The following CBL variants were observed in gnomAD, a reference collection of about 807,000 sequenced individuals.
CBL encodes Cbl proto-oncogene.
Under a neutral mutation model 96.9 loss-of-function variants are expected in CBL, and 45 were observed. The observed-to-expected ratio is 0.46, with a 90% confidence interval of 0.37 to 0.60. The LOEUF is 0.60. Among genes scored for constraint, CBL ranks in the 20% least tolerant of loss-of-function variants. CBL has a pLI of 0.00. For missense variants in CBL, 1,024 were observed against 1,143.5 expected (o/e 0.90, Z 1.51); for synonymous variants, 420 against 426.8 (o/e 0.98, Z 0.20).
At chr11:119,222,898 C>T (rs1221481852) in intron 1 of CBL, among the ~76,000 whole-genome samples, 1 of 152,020 alleles carries the variant, frequency 6.6e-6, no homozygotes, top group Non-Finnish European at 1.5e-5. Flanking sequence ...CATGGCCAGG[C>T]GTGGTGGCTC....
At chr11:119,236,563 CAT>C (rs1949547664) in intron 2 of CBL, among the ~76,000 whole-genome samples, 1 of 146,206 alleles carries the variant, frequency 6.8e-6, no homozygotes, top group Non-Finnish European at 1.5e-5. Flanking sequence ...GCCATATAAA[CAT>C]ATATACATAT....
At position 119,304,904 on chromosome 11, in the gene CBL, C is replaced by T. The variant is rs149560809; in HGVS notation, c.*5123C>T. The T allele has an allele frequency of 6.1e-3, 1,179 of 192,104 alleles. 13 individuals carry two copies. The highest frequency in any genetic ancestry group is 0.022 in the African/African-American group (928 of 42,990). The allele number at this position is 192,104 out of a possible 1,614,324, so 11.9% of individuals were successfully genotyped here. ...CCTCCCAAAGTGCTAAGATTACAGG[C>T]GTGAGCCACCGCGCCCGGCCCATAC... On this transcript the variant is annotated 3_prime_UTR_variant, in exon 16 of 16. Coordinates refer to ENST00000264033, the MANE Select transcript of CBL (RefSeq NM_005188.4).
intron 2 of CBL, among the ~76,000 whole-genome samples, chr11:119,266,730 T>C (rs1471466275): frequency 6.6e-6 from 1 of 152,128 alleles, no homozygotes. Flanking sequence ...GAATTTGTAG[T>C]TCCGTAGATT....
rs750257998 is a variant in CBL at position 119,271,788 on chromosome 11, A to G, written c.497A>G (p.Lys166Arg). Residue 166 changes from lysine to arginine, a missense_variant, in exon 3 of 16, where the codon AAA becomes AGA. Coordinates refer to ENST00000264033, the MANE Select transcript of CBL (RefSeq NM_005188.4). ...TTCAGCCACATGCTGGCAGAACTAA[A>G]AGGAATCTTTCCAAGTGGACTCTTT... is the stretch of plus-strand genomic sequence containing the variant. The part of the protein sequence containing the change: ...LIFSHMLAEL[K>R]GIFPSGLFQG... The G allele has an allele frequency of 1.9e-6, 3 of 1,613,944 alleles. No individual in the cohort carries two copies. In the African/African-American group the frequency reaches 4.0e-5, roughly 22 times the overall value.
At chr11:119,254,367 T>C (rs1375609179) in intron 2 of CBL, among the ~76,000 whole-genome samples, 1 of 152,196 alleles carries the variant, frequency 6.6e-6, no homozygotes, top group African/African-American at 2.4e-5. Flanking sequence ...GAGAAATGTA[T>C]TGCTGCCTGA....
intron 2 of CBL, among the ~76,000 whole-genome samples, chr11:119,260,654 C>T (rs978758311): frequency 2.0e-5 from 3 of 152,072 alleles, no homozygotes; most frequent in African/African-American, 7.2e-5. Flanking sequence ...TTTATCTCCT[C>T]TCTTACTCAG....
intron 2 of CBL, among the ~76,000 whole-genome samples, chr11:119,249,952 C>G (rs925500242): frequency 6.6e-6 from 1 of 152,156 alleles, no homozygotes; most frequent in Non-Finnish European, 1.5e-5. Context: ...GCCACTGTGC[C>G]TGGCTTTTGT....
intron 1 of CBL, among the ~76,000 whole-genome samples, chr11:119,230,266 CT>C (rs1231723928): frequency 6.6e-6 from 1 of 151,978 alleles, no homozygotes; most frequent in African/African-American, 2.4e-5. Context: ...ATTCTCCTGC[CT>C]CAGCCTCTCC....
chr11:119,245,173 G>GTT (rs55688715), intron 2 of CBL, among the ~76,000 whole-genome samples: 34,638 of 143,302 alleles, frequency 0.24, 4,258 homozygotes, highest in East Asian at 0.39. Context: ...TGCCCGACCA[G>GTT]TTTTTTTTTT....
chr11:119,277,270 C>CAT (rs1555229988), intron 6 of CBL, among the ~76,000 whole-genome samples: 2 of 151,578 alleles, frequency 1.3e-5, no homozygotes, highest in East Asian at 1.9e-4. Flanking sequence ...CACACACACA[C>CAT]ATAAAGAATT....
intron 1 of CBL, among the ~76,000 whole-genome samples, chr11:119,227,829 C>T (rs1481232069): frequency 2.0e-5 from 3 of 152,156 alleles, no homozygotes; most frequent in Non-Finnish European, 4.4e-5. Flanking sequence ...GGATTACAGG[C>T]GTGAGCCACC....
intron 2 of CBL, among the ~76,000 whole-genome samples, chr11:119,250,110 C>T (rs888258821): frequency 1.3e-5 from 2 of 152,220 alleles, no homozygotes; most frequent in Admixed American, 1.3e-4. Context: ...TTGTTCTACA[C>T]TGGATTCTTT....
chr11:119,297,620 G>T (rs1591270106), intron 14 of CBL, 139 bp downstream of exon 14: 11 of 706,064 alleles, frequency 1.6e-5, no homozygotes. Flanking sequence ...ACCATGCCCG[G>T]CTAATTTTTG....
rs148872069 is a variant in CBL at position 119,259,924 on chromosome 11, C to A, written c.444-11811C>A. Among the ~76,000 whole-genome samples, 23 of 152,312 alleles carry A rather than the reference C, an allele frequency of 1.5e-4. No homozygotes were observed. In the East Asian group the frequency reaches 4.1e-3, roughly 27 times the overall value. On this transcript the variant is annotated intron_variant, in intron 2 of 15. Coordinates refer to ENST00000264033, the MANE Select transcript of CBL (RefSeq NM_005188.4). ...ATTCTATCTCACTTACCTCCACACT[C>A]TTCTCAAAGGGGGAAACTCAGTTTC...
chr11:119,264,417 T>C (rs1313417575), intron 2 of CBL, among the ~76,000 whole-genome samples: 1 of 123,806 alleles, frequency 8.1e-6, no homozygotes. Flanking sequence ...TCTTCTCTTC[T>C]CTTCTCTTCT....
chr11:119,293,518 G>C (rs1950043917), intron 12 of CBL, among the ~76,000 whole-genome samples: 1 of 152,020 alleles, frequency 6.6e-6, no homozygotes, highest in Admixed American at 6.6e-5. Context: ...CTTTTCAATT[G>C]CTGCTTTCTG....
chr11:119,278,374 A>T (rs1949906275), intron 8 of CBL, 77 bp downstream of exon 8: 1 of 1,569,646 alleles, frequency 6.4e-7, no homozygotes, highest in Non-Finnish European at 8.8e-7. Flanking sequence ...CTTTACTGAT[A>T]CAAGGGGTGG....
At chr11:119,219,726 C>A (rs1452396637) in intron 1 of CBL, among the ~76,000 whole-genome samples, 1 of 151,350 alleles carries the variant, frequency 6.6e-6, no homozygotes, top group Admixed American at 6.6e-5. Context: ...CTCTGTTGTC[C>A]AGGATGGAGT....
chr11:119,252,577 C>T (rs1949676951), intron 2 of CBL, among the ~76,000 whole-genome samples: 1 of 152,084 alleles, frequency 6.6e-6, no homozygotes, highest in Non-Finnish European at 1.5e-5. Flanking sequence ...AGATTGAGGC[C>T]AGGTGCGGTG....
Sources: allele counts gnomAD v4.1 joint callset (sites outside exome capture counted in the v4.1 genomes callset), GRCh38; gene constraint gnomAD v4.1.1; transcripts MANE v1.5; gene names NCBI Gene and HGNC (gene_info 2026-07-23, HGNC 2026-07-21).